The following RARB variants were observed in gnomAD, a reference collection of about 807,000 sequenced individuals.
The protein encoded by RARB is retinoic acid receptor beta.
Under a neutral mutation model 51.9 loss-of-function variants are expected in RARB, and 17 were observed. That is an observed-to-expected ratio of 0.33 (90% confidence interval 0.22 to 0.49). RARB has a LOEUF of 0.49. Among genes scored for constraint, RARB ranks in the 20% least tolerant of loss-of-function variants. The pLI is 0.99. For missense variants in RARB, 369 were observed against 550.8 expected (o/e 0.67, Z 3.30); for synonymous variants, 215 against 195.4 (o/e 1.10, Z -0.84).
At position 25,382,041 on chromosome 3, in the gene RARB, C is replaced by A. The variant is rs979377300; in HGVS notation, c.179-79152C>A. On this transcript the variant is annotated intron_variant, in intron 5 of 11. Coordinates refer to the RARB transcript ENST00000383772. ...GTAGCTTGAGTAGGGTGCAAGATAG[C>A]AATATTCTAACTGAGGAACATTAGC... 3.3e-5 allele frequency among the ~76,000 whole-genome samples: 5 copies of A among 152,142 alleles called. 1 individual carries two copies. The highest frequency in any genetic ancestry group is 4.1e-4 in the South Asian group (2 of 4,824).
chr3:24,930,041 C>A (rs1331584942), intron 2 of RARB, among the ~76,000 whole-genome samples: 7 of 151,984 alleles, frequency 4.6e-5, no homozygotes, highest in Non-Finnish European at 8.8e-5. Flanking sequence ...TGACAATATC[C>A]TGCAACTCCT....
intron 3 of RARB, among the ~76,000 whole-genome samples, chr3:25,117,259 G>A (rs1699703663): frequency 6.6e-6 from 1 of 152,118 alleles, no homozygotes; most frequent in African/African-American, 2.4e-5. Context: ...TGCGCCTGAA[G>A]GTGTGTAACA....
intron 1 of RARB, among the ~76,000 whole-genome samples, chr3:24,830,520 C>G (rs1020977025): frequency 6.7e-6 from 1 of 150,276 alleles, no homozygotes; most frequent in East Asian, 2.0e-4. Context: ...CGCCCCGCCC[C>G]CTTCCAGCTC....
At chr3:25,075,005 A>G (rs141226738) in intron 3 of RARB, among the ~76,000 whole-genome samples, 2 of 152,326 alleles carry the variant, frequency 1.3e-5, no homozygotes, top group Non-Finnish European at 1.5e-5. Context: ...CCTGAAAATA[A>G]TGTGTCAATT....
At chr3:25,286,323 C>T (rs1159474916) in intron 5 of RARB, among the ~76,000 whole-genome samples, 5 of 152,118 alleles carry the variant, frequency 3.3e-5, no homozygotes, top group African/African-American at 4.8e-5. Flanking sequence ...CTCCTGACCT[C>T]GTGATCCACC....
At chr3:25,356,531 A>T (rs553148910) in intron 5 of RARB, among the ~76,000 whole-genome samples, 16 of 151,608 alleles carry the variant, frequency 1.1e-4, no homozygotes, top group Admixed American at 6.6e-4. Flanking sequence ...TTTTTTTATT[A>T]TACTTTAAGT....
chr3:24,903,569 G>A (rs1467338757), intron 2 of RARB, among the ~76,000 whole-genome samples: 1 of 151,982 alleles, frequency 6.6e-6, no homozygotes, highest in Admixed American at 6.6e-5. Flanking sequence ...TATGAAAGGG[G>A]GTGCATGGTC....
chr3:24,952,467 C>T (rs770838168), intron 2 of RARB, among the ~76,000 whole-genome samples: 11 of 152,064 alleles, frequency 7.2e-5, no homozygotes, highest in Admixed American at 5.2e-4. Context: ...CTGCTAATGG[C>T]GCTCCCCCCA....
At chr3:25,319,180 G>A (rs1003439070) in intron 5 of RARB, among the ~76,000 whole-genome samples, 1 of 152,092 alleles carries the variant, frequency 6.6e-6, no homozygotes, top group African/African-American at 2.4e-5. Context: ...CGAATAGTTG[G>A]GGGACATGAG....
chr3:25,488,027 A>G (rs1048784433), intron 2 of RARB, among the ~76,000 whole-genome samples: 10 of 152,112 alleles, frequency 6.6e-5, no homozygotes, highest in Admixed American at 3.3e-4. Context: ...ATCTGGAGGG[A>G]TTTATTCAGC....
intron 2 of RARB, among the ~76,000 whole-genome samples, chr3:24,938,185 C>T (rs570499480): frequency 2.0e-5 from 3 of 152,280 alleles, no homozygotes; most frequent in African/African-American, 7.2e-5. Flanking sequence ...GGTAGCCTTT[C>T]AGGTGTTAAG....
intron 2 of RARB, among the ~76,000 whole-genome samples, chr3:24,896,602 C>G (rs752429045): frequency 6.6e-6 from 1 of 152,112 alleles, no homozygotes; most frequent in Non-Finnish European, 1.5e-5. Context: ...AGGACATGGA[C>G]AGTGGTGATG....
intron 3 of RARB, among the ~76,000 whole-genome samples, chr3:25,115,347 C>T (rs1162972634): frequency 1.3e-5 from 2 of 152,138 alleles, no homozygotes; most frequent in Non-Finnish European, 2.9e-5. Context: ...AAACATTGTG[C>T]TTTACTGTTA....
At chr3:25,193,330 A>T (rs149594092) in intron 5 of RARB, among the ~76,000 whole-genome samples, 1 of 152,156 alleles carries the variant, frequency 6.6e-6, no homozygotes, top group South Asian at 2.1e-4. Flanking sequence ...AATCTTAAAG[A>T]TTGTTCCAAT....
intron 5 of RARB, among the ~76,000 whole-genome samples, chr3:25,591,794 T>A (rs1701624794): frequency 6.6e-6 from 1 of 152,220 alleles, no homozygotes; most frequent in Non-Finnish European, 1.5e-5. Flanking sequence ...ACAGAGGCGC[T>A]GCTGCACCCT....
chr3:25,581,220 G>A (rs758022875), intron 5 of RARB, among the ~76,000 whole-genome samples: 5 of 152,152 alleles, frequency 3.3e-5, no homozygotes, highest in Non-Finnish European at 7.3e-5. Flanking sequence ...AACTGTATTT[G>A]CTTTGCAGAA....
At chr3:25,310,471 A>G (rs1347610737) in intron 5 of RARB, among the ~76,000 whole-genome samples, 2 of 152,268 alleles carry the variant, frequency 1.3e-5, no homozygotes, top group East Asian at 3.9e-4. Context: ...ACCCTTGTGG[A>G]AATAGGGGGT....
chr3:24,938,187 G>C (rs539163041), intron 2 of RARB, among the ~76,000 whole-genome samples: 1 of 152,136 alleles, frequency 6.6e-6, no homozygotes, highest in African/African-American at 2.4e-5. Context: ...TAGCCTTTCA[G>C]GTGTTAAGTT....
At chr3:24,976,474 G>A (rs917906828) in intron 2 of RARB, among the ~76,000 whole-genome samples, 27 of 152,044 alleles carry the variant, frequency 1.8e-4, no homozygotes, top group African/African-American at 6.5e-4. Context: ...AACTGCCGTG[G>A]GATGGTATCT....
Sources: gnomAD v4.1 joint callset for allele counts (sites outside exome capture counted in the v4.1 genomes callset) on GRCh38, gnomAD v4.1.1 for gene constraint, MANE v1.5 for transcripts, NCBI Gene and HGNC (gene_info 2026-07-23, HGNC 2026-07-21) for gene names.